The following OPCML variants were observed in gnomAD, a reference collection of about 807,000 sequenced individuals.
The protein encoded by OPCML is opioid-binding protein/cell adhesion molecule.
Under a neutral mutation model 37.8 loss-of-function variants are expected in OPCML, and 13 were observed. That is an observed-to-expected ratio of 0.34 (90% CI 0.22 to 0.55). The LOEUF is 0.55. Among genes scored for constraint, OPCML ranks in the 20% least tolerant of loss-of-function variants. The probability of loss-of-function intolerance (pLI) is 0.91; values close to 1 mark genes in which losing one functional copy is unlikely to be tolerated. For missense variants in OPCML, 341 were observed against 435.6 expected (o/e 0.78, Z 1.93); for synonymous variants, 176 against 168.8 (o/e 1.04, Z -0.33).
chr11:133,338,056 T>C (rs1289888371), intron 1 of OPCML, among the ~76,000 whole-genome samples: 3 of 151,978 alleles, frequency 2.0e-5, no homozygotes, highest in Admixed American at 6.5e-5. Flanking sequence ...TCATCCGTTA[T>C]GGGGGAAGGG....
chr11:133,109,057 C>T (rs750697569), intron 1 of OPCML, among the ~76,000 whole-genome samples: 28 of 152,108 alleles, frequency 1.8e-4, no homozygotes, highest in Non-Finnish European at 3.4e-4. Context: ...GTTTCCTGGC[C>T]GCTCTTTCTA....
In OPCML at chr11:133,032,736, T is replaced by C. The variant is rs527281943; in HGVS notation, c.62-89726A>G. On this transcript the variant is annotated intron_variant, in intron 1 of 7. Transcript: ENST00000524381. ...CAGAATCTAACTGAGCAGCCCCCAG[T>C]TATCACCTGTGGCAGGATCCTCCGT... 2.0e-5 allele frequency among the ~76,000 whole-genome samples: 3 copies of C among 152,326 alleles called. No homozygotes were observed. The South Asian group carries it at 6.2e-4, about 32-fold the overall frequency.
At chr11:132,619,671 T>C (rs1939274056) in intron 3 of OPCML, among the ~76,000 whole-genome samples, 1 of 121,994 alleles carries the variant, frequency 8.2e-6, no homozygotes, top group Non-Finnish European at 1.7e-5. Flanking sequence ...ACCCCGTCTC[T>C]ACTGAAAATA....
chr11:133,391,321 T>C (rs1592259141), intron 1 of OPCML, among the ~76,000 whole-genome samples: 1 of 152,274 alleles, frequency 6.6e-6, no homozygotes, highest in East Asian at 1.9e-4. Flanking sequence ...GCCTGTCCCT[T>C]TGGGGACTCC....
At chr11:132,999,651 C>G (rs368804779) in intron 1 of OPCML, among the ~76,000 whole-genome samples, 1 of 152,032 alleles carries the variant, frequency 6.6e-6, no homozygotes, top group Admixed American at 6.6e-5. Flanking sequence ...CGTGCTGCCA[C>G]GAGCGTGCCT....
intron 1 of OPCML, among the ~76,000 whole-genome samples, chr11:132,975,390 A>G (rs1946435942): frequency 6.6e-6 from 1 of 151,778 alleles, no homozygotes; most frequent in African/African-American, 2.4e-5. Context: ...AGGCAGAGAA[A>G]ATAGCAAGTA....
chr11:132,548,672 A>T (rs1197936105), intron 3 of OPCML, among the ~76,000 whole-genome samples: 2 of 152,164 alleles, frequency 1.3e-5, no homozygotes, highest in Non-Finnish European at 2.9e-5. Flanking sequence ...CCGGTTTGGG[A>T]GAGACACCTA....
chr11:132,525,431 C>T (rs1190892406), intron 4 of OPCML, among the ~76,000 whole-genome samples: 1 of 152,168 alleles, frequency 6.6e-6, no homozygotes, highest in South Asian at 2.1e-4. Context: ...TCAAATATTG[C>T]ATTAGCTAAC....
At chr11:132,992,524 A>C (rs1320932508) in intron 1 of OPCML, among the ~76,000 whole-genome samples, 1 of 152,112 alleles carries the variant, frequency 6.6e-6, no homozygotes, top group Admixed American at 6.5e-5. Context: ...TGTTTTAAGC[A>C]TCGAGGGTGC....
intron 2 of OPCML, among the ~76,000 whole-genome samples, chr11:132,819,080 G>A (rs2136242897): frequency 6.6e-6 from 1 of 150,616 alleles, no homozygotes; most frequent in Middle Eastern, 3.4e-3. Context: ...TGGATTATCA[G>A]TCATATTTCC....
At chr11:132,502,906 T>C (rs1050442770) in intron 4 of OPCML, among the ~76,000 whole-genome samples, 1 of 152,176 alleles carries the variant, frequency 6.6e-6, no homozygotes, top group Non-Finnish European at 1.5e-5. Context: ...CTCTAGTGGA[T>C]TCTGGTTCAA....
At chr11:133,035,888 C>T (rs1299143817) in intron 1 of OPCML, among the ~76,000 whole-genome samples, 1 of 149,108 alleles carries the variant, frequency 6.7e-6, no homozygotes, top group African/African-American at 2.5e-5. Context: ...CAGACAACAC[C>T]GCAAGAAGCC....
rs1277039276 is a variant in OPCML at position 133,211,952 on chromosome 11, A to C, written c.62-268942T>G. On this transcript the variant is annotated intron_variant, in intron 1 of 7. Coordinates refer to ENST00000524381, the MANE Select transcript of OPCML (RefSeq NM_001012393.5). This position sits in a 1 kb window ranked among gnomAD's most constrained non-coding sequence, Gnocchi z 4.1. ...ATACCATAAGTTAGTGTATATACTC[A>C]AACAAAGCCATGAACGCTGGGCTGT... 6.6e-6 allele frequency among the ~76,000 whole-genome samples: 1 copy of C among 152,176 alleles called. No individual in the cohort carries two copies. The highest frequency in any genetic ancestry group is 1.5e-5 in the Non-Finnish European group (1 of 68,038).
At chr11:133,506,676 A>C (rs1948037867) in intron 1 of OPCML, among the ~76,000 whole-genome samples, 1 of 152,200 alleles carries the variant, frequency 6.6e-6, no homozygotes, top group African/African-American at 2.4e-5. Flanking sequence ...ATCCCTGATA[A>C]AATCAGTGGA....
chr11:132,520,187 A>G (rs1213308523), intron 4 of OPCML, among the ~76,000 whole-genome samples: 1 of 152,202 alleles, frequency 6.6e-6, no homozygotes, highest in Admixed American at 6.5e-5. Context: ...GGTGCCCCAG[A>G]TAACAAGCAG....
intron 1 of OPCML, chr11:133,422,873 T>C (rs1945921074): frequency 1.0e-6 from 1 of 953,498 alleles, no homozygotes; most frequent in South Asian, 4.8e-5. Context: ...ATAAGAAATC[T>C]GAGGCTTAGG....
intron 1 of OPCML, among the ~76,000 whole-genome samples, chr11:133,451,244 A>G (rs1303667006): frequency 6.6e-6 from 1 of 151,788 alleles, no homozygotes; most frequent in Non-Finnish European, 1.5e-5. Flanking sequence ...AAATTAAAGG[A>G]GAGAAAAACC....
intron 1 of OPCML, among the ~76,000 whole-genome samples, chr11:133,458,204 G>A (rs1356051738): frequency 7.9e-5 from 10 of 126,788 alleles, no homozygotes; most frequent in African/African-American, 3.1e-4. Context: ...ATATACACGT[G>A]TGTGTATATA....
rs1946187067 is a variant in OPCML at position 132,759,569 on chromosome 11, T to C, written c.147-102250A>G. Among the ~76,000 whole-genome samples the C allele has an allele frequency of 3.9e-5, 6 of 152,300 alleles. No homozygotes were observed. In the South Asian group the frequency reaches 1.2e-3, roughly 32 times the overall value. On this transcript the variant is annotated intron_variant, in intron 2 of 7. Transcript: ENST00000524381. ...CAAGAATTTATCCATTTCTTCTAGA[T>C]TTTCTAGTTTATTTGTGTAGAGGTG...
Sources: gnomAD v4.1 joint callset for allele counts (sites outside exome capture counted in the v4.1 genomes callset) on GRCh38, gnomAD v4.1.1 for gene constraint, Gnocchi (gnomAD v3.1) non-coding constraint, MANE v1.5 for transcripts, NCBI Gene and HGNC (gene_info 2026-07-23, HGNC 2026-07-21) for gene names.